The following SYNPR variants were observed in gnomAD, a reference collection of about 807,000 sequenced individuals.
The protein encoded by SYNPR is synaptoporin.
A neutral mutation model predicts 32.9 loss-of-function variants in SYNPR; 23 were observed. That is an observed-to-expected ratio of 0.70 (90% CI 0.50 to 0.99). SYNPR has a LOEUF of 0.99. SYNPR is among the 50% of genes least tolerant of loss of function. The pLI is 0.00. For synonymous variants in SYNPR, 146 were observed against 135.9 expected, an observed-to-expected ratio of 1.07 and a Z score of -0.52; for missense variants, 318 against 349.3, an observed-to-expected ratio of 0.91 and a Z score of 0.71.
At chr3:63,540,891 TACACACAC>T (rs34925541) in intron 3 of SYNPR, among the ~76,000 whole-genome samples, 3 of 122,856 alleles carry the variant, frequency 2.4e-5, no homozygotes, top group South Asian at 2.8e-4. Context: ...CTATCACTCC[TACACACAC>T]ACACACACAC....
chr3:63,572,922 G>T (rs1702914131), intron 4 of SYNPR, among the ~76,000 whole-genome samples: 1 of 151,374 alleles, frequency 6.6e-6, no homozygotes, highest in Non-Finnish European at 1.5e-5. Context: ...GAGGAGGTTT[G>T]TGTGTGTGTG....
chr3:63,307,808 T>C (rs1211385643), intron 2 of SYNPR, among the ~76,000 whole-genome samples: 1 of 152,034 alleles, frequency 6.6e-6, no homozygotes, highest in East Asian at 1.9e-4. Context: ...AAAAGATTCC[T>C]AGGGGGAAGC....
At chr3:63,235,322 C>T (rs895730541) in intron 1 of SYNPR, among the ~76,000 whole-genome samples, 4 of 152,134 alleles carry the variant, frequency 2.6e-5, no homozygotes, top group African/African-American at 9.7e-5. Flanking sequence ...TCCTGAAGTT[C>T]ATACGGAACA....
intron 3 of SYNPR, among the ~76,000 whole-genome samples, chr3:63,507,683 T>G (rs996931449): frequency 6.6e-6 from 1 of 152,154 alleles, no homozygotes; most frequent in Non-Finnish European, 1.5e-5. Flanking sequence ...AGTCTGTAGT[T>G]CAGTTAAAAA....
intron 4 of SYNPR, among the ~76,000 whole-genome samples, chr3:63,567,586 C>T (rs1433515659): frequency 1.3e-5 from 2 of 152,180 alleles, no homozygotes; most frequent in Non-Finnish European, 2.9e-5. Context: ...CTAATACTCA[C>T]AGTTCATTAG....
intron 2 of SYNPR, among the ~76,000 whole-genome samples, chr3:63,371,552 G>A (rs1364475949): frequency 6.6e-6 from 1 of 152,208 alleles, no homozygotes; most frequent in Non-Finnish European, 1.5e-5. Flanking sequence ...GCTCCCAGAG[G>A]GAGATGCAAG....
chr3:63,363,341 G>A (rs2087686753), intron 2 of SYNPR, among the ~76,000 whole-genome samples: 3 of 152,096 alleles, frequency 2.0e-5, no homozygotes, highest in Non-Finnish European at 2.9e-5. Context: ...AATCTCTCTT[G>A]CATGTTAAAA....
At chr3:63,345,731 T>C (rs945109996) in intron 2 of SYNPR, among the ~76,000 whole-genome samples, 1 of 152,146 alleles carries the variant, frequency 6.6e-6, no homozygotes, top group African/African-American at 2.4e-5. Flanking sequence ...AGTGGATCTT[T>C]AGGGACAAAT....
At chr3:63,575,604 C>A (rs57109493) in intron 4 of SYNPR, among the ~76,000 whole-genome samples, 40,039 of 152,018 alleles carry the variant, frequency 0.26, 5,607 homozygotes, top group South Asian at 0.44. Flanking sequence ...AATAATATTC[C>A]AACAGACTCT....
intron 2 of SYNPR, among the ~76,000 whole-genome samples, chr3:63,438,128 A>G (rs1248502242): frequency 1.3e-5 from 2 of 152,196 alleles, no homozygotes; most frequent in East Asian, 3.8e-4. Context: ...AGATAGTAAG[A>G]TATTGTGTCT....
chr3:63,530,766 A>G (rs1248354481), intron 3 of SYNPR, among the ~76,000 whole-genome samples: 1 of 152,176 alleles, frequency 6.6e-6, no homozygotes, highest in Non-Finnish European at 1.5e-5. Flanking sequence ...CAAAATGAAC[A>G]CAACTGTCTC....
At chr3:63,259,064 C>A (rs2086414918) in intron 2 of SYNPR, among the ~76,000 whole-genome samples, 1 of 152,024 alleles carries the variant, frequency 6.6e-6, no homozygotes, top group Non-Finnish European at 1.5e-5. Context: ...CAGGCTCTGA[C>A]ATTGAGGCAA....
chr3:63,577,249 A>G (rs1173347500), intron 4 of SYNPR, among the ~76,000 whole-genome samples: 1 of 152,214 alleles, frequency 6.6e-6, no homozygotes, highest in Non-Finnish European at 1.5e-5. Context: ...TTAGAAACTG[A>G]AATCTTCCTA....
chr3:63,595,923 A>ATATATATATAGTTT (rs1437990534), intron 4 of SYNPR, among the ~76,000 whole-genome samples: 2 of 99,386 alleles, frequency 2.0e-5, no homozygotes, highest in Non-Finnish European at 4.1e-5. Context: ...ATATAGTTTT[A>ATATATATATAGTTT]TATATATATA....
intron 1 of SYNPR, among the ~76,000 whole-genome samples, chr3:63,231,839 A>G (rs893657166): frequency 6.6e-5 from 10 of 152,230 alleles, no homozygotes; most frequent in Non-Finnish European, 1.0e-4. Flanking sequence ...GATTTTTCTT[A>G]TCAAAGCCAA....
intron 2 of SYNPR, among the ~76,000 whole-genome samples, chr3:63,312,040 G>A (rs1404999907): frequency 6.6e-6 from 1 of 151,940 alleles, no homozygotes; most frequent in Non-Finnish European, 1.5e-5. Context: ...AGAAATCTGT[G>A]ATGATCTAAA....
intron 3 of SYNPR, among the ~76,000 whole-genome samples, chr3:63,271,764 A>T (rs1289704052): frequency 1.3e-5 from 2 of 152,100 alleles, no homozygotes; most frequent in African/African-American, 4.8e-5. Context: ...TGTATTATAT[A>T]ATCCTAGGAT....
intron 2 of SYNPR, among the ~76,000 whole-genome samples, chr3:63,396,679 T>G (rs916147509): frequency 6.6e-6 from 1 of 152,208 alleles, no homozygotes; most frequent in African/African-American, 2.4e-5. Flanking sequence ...CTGACATAGA[T>G]GCAAACTGGA....
intron 3 of SYNPR, among the ~76,000 whole-genome samples, chr3:63,491,375 A>C (rs1377955614): frequency 1.3e-5 from 2 of 152,120 alleles, no homozygotes; most frequent in African/African-American, 2.4e-5. Flanking sequence ...TCTGAAGACG[A>C]GCAAGGGAGG....
Sources: gnomAD v4.1 joint callset for allele counts (sites outside exome capture counted in the v4.1 genomes callset) on GRCh38, gnomAD v4.1.1 for gene constraint, MANE v1.5 for transcripts, NCBI Gene and HGNC (gene_info 2026-07-23, HGNC 2026-07-21) for gene names.